DNM3: variants seen among roughly 807,000 people sequenced by gnomAD.
DNM3 encodes the protein dynamin-3.
Under a neutral mutation model 101.6 loss-of-function variants are expected in DNM3, and 47 were observed. The ratio of observed to expected loss-of-function variants is 0.46; its 90% CI spans 0.37 to 0.59. The LOEUF (loss-of-function observed/expected upper bound fraction) is 0.59. DNM3 is among the 20% of genes least tolerant of loss of function. The pLI is 0.00. For missense variants in DNM3, 849 were observed against 1,085.7 expected, an observed-to-expected ratio of 0.78 and a Z score of 3.06; for synonymous variants, 385 against 387.9, an observed-to-expected ratio of 0.99 and a Z score of 0.09.
intron 14 of DNM3, among the ~76,000 whole-genome samples, chr1:172,178,570 C>T (rs2059235303): frequency 6.6e-6 from 1 of 151,400 alleles, no homozygotes; most frequent in Non-Finnish European, 1.5e-5. Context: ...TTAAAAGAAG[C>T]AAGGTAGTAA....
At chr1:172,155,963 TGTGC>T (rs1368325688) in intron 14 of DNM3, among the ~76,000 whole-genome samples, 2 of 152,082 alleles carry the variant, frequency 1.3e-5, no homozygotes, top group African/African-American at 4.8e-5. Context: ...AAGGCCTTGG[TGTGC>T]GTCCAGCTTG....
intron 1 of DNM3, among the ~76,000 whole-genome samples, chr1:171,902,662 C>T (rs979604997): frequency 3.3e-5 from 5 of 151,410 alleles, no homozygotes; most frequent in East Asian, 1.9e-4. Context: ...TGTTACCTAC[C>T]GTCTTTTATG....
chr1:171,967,515 G>A (rs1298462854), intron 2 of DNM3, among the ~76,000 whole-genome samples: 1 of 152,022 alleles, frequency 6.6e-6, no homozygotes, highest in East Asian at 1.9e-4. Flanking sequence ...AAGAAGAGGG[G>A]GAGAGATTCT....
chr1:172,094,321 G>A (rs2054104591), intron 13 of DNM3, among the ~76,000 whole-genome samples: 1 of 152,060 alleles, frequency 6.6e-6, no homozygotes, highest in African/African-American at 2.4e-5. Context: ...TTATGGAAGT[G>A]TAAAAACATT....
chr1:172,042,144 G>C lies in DNM3; in HGVS notation c.1128G>C (p.Lys376Asn), dbSNP rs2049433176. 1 of 1,589,780 alleles carries C rather than the reference G, an allele frequency of 6.3e-7. No homozygotes were observed. Among genetic ancestry groups the C allele is most frequent in the Non-Finnish European group, 8.5e-7 (1 of 1,173,514 alleles). ...FHERFPFEIV[K>N]MEFNEKELRR... Reference sequence around the variant, plus strand: ...AACGCTTTCCTTTTGAGATAGTAAAGGTTTGTGTCAAACGTTATTTTTTTC... The same window carrying C: ...AACGCTTTCCTTTTGAGATAGTAAACGTTTGTGTCAAACGTTATTTTTTTC... Residue 376 changes from lysine to asparagine, a missense_variant and splice_region_variant, in exon 8 of 21, where the codon AAG becomes AAC. Physicochemically the swap from Lys to Asn is moderately conservative, Grantham distance 94 (BLOSUM62 0). This residue lies in a region of DNM3 where 388 missense variants were observed against 483.0 expected (regional missense o/e 0.80). Transcript: ENST00000627582.
chr1:172,311,478 C>G (rs1400782784), intron 16 of DNM3, among the ~76,000 whole-genome samples: 5 of 152,184 alleles, frequency 3.3e-5, no homozygotes, highest in African/African-American at 1.2e-4. Flanking sequence ...CACGGTGGCA[C>G]ACACCTGTGA....
In DNM3 at chr1:171,898,440, T is replaced by C. The variant is rs139195896; in HGVS notation, c.162-23308T>C. ...TTCAGGATACAGATACAAGTGATTA[T>C]ATTTATGAAGATTTAGAGATTTATA... On this transcript the variant is annotated intron_variant, in intron 1 of 20. Coordinates refer to ENST00000627582, the MANE Select transcript of DNM3 (RefSeq NM_015569.5). Among the ~76,000 whole-genome samples, 704 of 152,250 alleles carry C rather than the reference T, an allele frequency of 4.6e-3. 6 individuals are homozygous for C. The highest frequency in any genetic ancestry group is 0.016 in the African/African-American group (655 of 41,582).
chr1:172,145,709 T>C (rs2057857681), intron 14 of DNM3, among the ~76,000 whole-genome samples: 1 of 152,206 alleles, frequency 6.6e-6, no homozygotes, highest in South Asian at 2.1e-4. Flanking sequence ...TCAGGTCTTC[T>C]AACAAATCGC....
intron 16 of DNM3, among the ~76,000 whole-genome samples, chr1:172,316,849 G>A (rs1163107501): frequency 6.6e-6 from 1 of 152,050 alleles, no homozygotes; most frequent in Admixed American, 6.6e-5. Flanking sequence ...AAATTAACAA[G>A]GATACCCAGG....
At chr1:172,207,465 T>G (rs2060363291) in intron 14 of DNM3, among the ~76,000 whole-genome samples, 1 of 152,108 alleles carries the variant, frequency 6.6e-6, no homozygotes, top group African/African-American at 2.4e-5. Flanking sequence ...ATTTCTTATT[T>G]TTGTTCTAGA....
intron 4 of DNM3, among the ~76,000 whole-genome samples, chr1:172,030,101 C>A (rs1197807866): frequency 6.6e-6 from 1 of 152,156 alleles, no homozygotes; most frequent in Non-Finnish European, 1.5e-5. Flanking sequence ...GTAGCCAAGA[C>A]AATCCTAAGC....
chr1:172,032,943 A>T (rs1345474818), intron 5 of DNM3, among the ~76,000 whole-genome samples, 162 bp from the exon 6 acceptor site: 1 of 152,152 alleles, frequency 6.6e-6, no homozygotes, highest in Non-Finnish European at 1.5e-5. Flanking sequence ...AGCAGCCTGT[A>T]TTCAATACTG....
intron 13 of DNM3, among the ~76,000 whole-genome samples, chr1:172,113,291 C>T (rs1192719605): frequency 1.3e-5 from 2 of 152,104 alleles, no homozygotes; most frequent in Non-Finnish European, 2.9e-5. Context: ...TCTATGGATT[C>T]CCTCATTTAA....
chr1:172,409,546 A>G lies in DNM3; in HGVS notation c.*1705A>G. 1 of 984,624 alleles carries G rather than the reference A, an allele frequency of 1.0e-6. No individual in the cohort carries two copies. The highest frequency in any genetic ancestry group is 1.7e-5 in the African/African-American group (1 of 57,340). The allele number at this position is 984,624 out of a possible 1,614,324, so 61.0% of individuals were successfully genotyped here. On this transcript the variant is annotated 3_prime_UTR_variant, in exon 21 of 21. Transcript: ENST00000627582. ...AGGTTACCAGTGATTGTATAAAAAC[A>G]TCACAATCCTAAATCCTCTCGTATC...
rs112215686 is a variant in DNM3 at position 171,958,885 on chromosome 1, A to G, written c.236-28771A>G. On this transcript the variant is annotated intron_variant, in intron 2 of 20. Transcript: ENST00000627582. Reference sequence around the variant, plus strand: ...TTGCAAATCATATTTCTAAAAAATTATGGTTTTGAATTAATTCTCATGGTT... The same window carrying G: ...TTGCAAATCATATTTCTAAAAAATTGTGGTTTTGAATTAATTCTCATGGTT... 8.9e-3 allele frequency among the ~76,000 whole-genome samples: 1,354 copies of G among 152,350 alleles called. 16 individuals are homozygous for G. The highest frequency in any genetic ancestry group is 0.031 in the African/African-American group (1,284 of 41,588).
intron 14 of DNM3, among the ~76,000 whole-genome samples, chr1:172,186,781 G>T (rs1160181537): frequency 1.1e-4 from 17 of 152,046 alleles, no homozygotes; most frequent in Admixed American, 1.1e-3. Flanking sequence ...TTGAAGTTCT[G>T]TAAACATTTA....
At position 172,367,103 on chromosome 1, in the gene DNM3, G is replaced by C. The variant is rs116384527; in HGVS notation, c.1894-11915G>C. 4.2e-3 allele frequency among the ~76,000 whole-genome samples: 644 copies of C among 151,664 alleles called. 2 individuals are homozygous for C. The highest frequency in any genetic ancestry group is 0.015 in the African/African-American group (616 of 41,410). On this transcript the variant is annotated intron_variant, in intron 17 of 20. Transcript: ENST00000627582. ...ACAAAGAATTCCAACAATAGCAAGA[G>C]AAAAGTGTTAAGTCACAGATAAGGG...
At chr1:172,223,716 C>T (rs1464265071) in intron 14 of DNM3, among the ~76,000 whole-genome samples, 2 of 152,232 alleles carry the variant, frequency 1.3e-5, no homozygotes, top group South Asian at 2.1e-4. Flanking sequence ...AATACATATA[C>T]TCTTCTATTC....
chr1:172,290,360 T>G (rs893402166), intron 15 of DNM3, among the ~76,000 whole-genome samples: 4 of 152,170 alleles, frequency 2.6e-5, no homozygotes, highest in African/African-American at 9.7e-5. Context: ...ATTATCAATG[T>G]GAATGAGATA....
Sources: allele counts gnomAD v4.1 joint callset (sites outside exome capture counted in the v4.1 genomes callset), GRCh38; gene constraint gnomAD v4.1.1; regional missense constraint gnomAD v4.1.1; transcripts MANE v1.5; gene names NCBI Gene and HGNC (gene_info 2026-07-23, HGNC 2026-07-21).